ROBO2: variants seen among roughly 807,000 people sequenced by gnomAD.
ROBO2 encodes the protein roundabout guidance receptor 2.
In ROBO2, 53 loss-of-function variants were observed where a neutral mutation model predicts 160.8. That is an observed-to-expected ratio of 0.33 (90% CI 0.26 to 0.41). The LOEUF is 0.41. ROBO2 is among the 10% of genes least tolerant of loss of function. The pLI, the probability that ROBO2 is intolerant of heterozygous loss-of-function variation, is 1.00. For missense variants in ROBO2, 1,577 were observed against 1,722.4 expected (o/e 0.92, Z 1.49); for synonymous variants, 664 against 611.7 (o/e 1.09, Z -1.26).
intron 2 of ROBO2, among the ~76,000 whole-genome samples, chr3:76,846,206 T>C (rs2068759965): frequency 1.3e-5 from 2 of 152,166 alleles, no homozygotes; most frequent in Admixed American, 1.3e-4. Context: ...AGATGACATT[T>C]ATCATAAGGA....
At chr3:76,092,006 C>T (rs1412023253) in intron 2 of ROBO2, among the ~76,000 whole-genome samples, 5 of 152,048 alleles carry the variant, frequency 3.3e-5, no homozygotes, top group Admixed American at 6.6e-5. Context: ...GGTGAATATA[C>T]GACATTATAC....
At chr3:76,915,493 T>C (rs2076244879) in intron 2 of ROBO2, among the ~76,000 whole-genome samples, 1 of 151,668 alleles carries the variant, frequency 6.6e-6, no homozygotes, top group Admixed American at 6.6e-5. Flanking sequence ...AAACCCTGTC[T>C]CCATTAAAAA....
intron 2 of ROBO2, among the ~76,000 whole-genome samples, chr3:76,849,050 C>A (rs889037917): frequency 6.6e-6 from 1 of 152,114 alleles, no homozygotes; most frequent in East Asian, 1.9e-4. Context: ...CCAAGTGTCA[C>A]CCCATCTGTT....
chr3:76,729,440 T>A (rs1467824333), intron 2 of ROBO2, among the ~76,000 whole-genome samples: 1 of 152,086 alleles, frequency 6.6e-6, no homozygotes, highest in East Asian at 1.9e-4. Flanking sequence ...TGCAAACCTA[T>A]GGCAGCTGAG....
chr3:77,593,850 A>G (rs1583166146), intron 17 of ROBO2, among the ~76,000 whole-genome samples: 2 of 152,324 alleles, frequency 1.3e-5, no homozygotes, highest in Middle Eastern at 6.8e-3. Context: ...TACTTACAGT[A>G]TGAATCAACT....
rs2093382798 is a variant in ROBO2, at chr3:77,563,234, G to T, written c.1587G>T (p.Gln529His). The stretch of plus-strand genomic sequence containing the variant: ...TGCCAGGGCCACCATCCAAACCGCA[G>T]GTCACTGATGTTACTAAGAACAGTG... The change falls in exon 11 of 26, where the codon CAG (glutamine) becomes CAT (histidine). Residue 529 changes from glutamine (Q) to histidine (H), a missense_variant. Gln to His is a conservative substitution (Grantham distance 24). Around this residue, in one of 2 missense-constraint regions of ROBO2, gnomAD observed 940 missense variants for 1,135.5 expected, o/e 0.83. Transcript: ENST00000461745. 3 of 1,613,504 alleles carry T rather than the reference G, an allele frequency of 1.9e-6. No homozygotes were observed. Among genetic ancestry groups the T allele is most frequent in the Non-Finnish European group, 2.5e-6 (3 of 1,179,784 alleles).
chr3:76,779,019 A>C (rs949744813), intron 2 of ROBO2, among the ~76,000 whole-genome samples: 1 of 151,050 alleles, frequency 6.6e-6, no homozygotes, highest in Non-Finnish European at 1.5e-5. Flanking sequence ...ATTTGCAAAA[A>C]TAGGTAATCA....
At chr3:77,449,310 G>A (rs983861357) in intron 2 of ROBO2, among the ~76,000 whole-genome samples, 4 of 152,008 alleles carry the variant, frequency 2.6e-5, no homozygotes, top group African/African-American at 9.7e-5. Context: ...AGAATGAAAA[G>A]GTCTGTATTT....
chr3:77,464,140 C>G (rs761193063), intron 2 of ROBO2, among the ~76,000 whole-genome samples: 15 of 152,110 alleles, frequency 9.9e-5, no homozygotes, highest in Non-Finnish European at 1.9e-4. Flanking sequence ...GATGAAAAAG[C>G]TGAAGCTAAA....
intron 2 of ROBO2, among the ~76,000 whole-genome samples, chr3:76,438,397 T>C (rs554294909): frequency 7.1e-6 from 1 of 140,082 alleles, no homozygotes; most frequent in Admixed American, 7.0e-5. Context: ...TTTTAATTTT[T>C]AATGTAATCA....
At chr3:77,185,500 TC>T (rs2081199674) in intron 2 of ROBO2, among the ~76,000 whole-genome samples, 1 of 151,806 alleles carries the variant, frequency 6.6e-6, no homozygotes, top group South Asian at 2.1e-4. Context: ...ATGGCCATAA[TC>T]AAAAAATCAA....
chr3:76,929,983 C>T (rs973836847), intron 2 of ROBO2, among the ~76,000 whole-genome samples: 1 of 152,176 alleles, frequency 6.6e-6, no homozygotes, highest in African/African-American at 2.4e-5. Flanking sequence ...ATACATGTCA[C>T]ACTTGCTTTC....
rs114322117 is a variant in ROBO2 at position 76,802,019 on chromosome 3, T to C, written c.110-295995T>C. Among the ~76,000 whole-genome samples the C allele has an allele frequency of 3.1e-3, 478 of 152,296 alleles. 2 individuals are homozygous for C. The highest frequency in any genetic ancestry group is 0.011 in the African/African-American group (459 of 41,558). On this transcript the variant is annotated intron_variant, in intron 2 of 26. Transcript: ENST00000487694. ...CCTGTATTGATTAAGTTTACTATCT[T>C]ATGTGAGCAGGGTCCATGGCACCCA...
chr3:77,584,111 C>G (rs1167988322), intron 16 of ROBO2, among the ~76,000 whole-genome samples: 1 of 152,056 alleles, frequency 6.6e-6, no homozygotes, highest in Middle Eastern at 3.2e-3. Context: ...AGAGTATACA[C>G]AAATTTGAGA....
chr3:76,085,807 C>T (rs1278906496), intron 2 of ROBO2, among the ~76,000 whole-genome samples: 1 of 152,160 alleles, frequency 6.6e-6, no homozygotes, highest in Non-Finnish European at 1.5e-5. Context: ...GAATTAAAAA[C>T]TCCAAGAGAG....
At chr3:76,304,180 A>G (rs979453044) in intron 2 of ROBO2, among the ~76,000 whole-genome samples, 1 of 152,240 alleles carries the variant, frequency 6.6e-6, no homozygotes, top group Non-Finnish European at 1.5e-5. Flanking sequence ...ATATGTTACC[A>G]TACATTGTGC....
chr3:76,585,815 G>T (rs566898382), intron 2 of ROBO2, among the ~76,000 whole-genome samples: 2 of 152,294 alleles, frequency 1.3e-5, no homozygotes, highest in Admixed American at 1.3e-4. Context: ...TTTGTCATTA[G>T]TTGGGAAAAT....
intron 6 of ROBO2, among the ~76,000 whole-genome samples, chr3:77,541,257 G>A (rs1339585662): frequency 6.6e-6 from 1 of 152,066 alleles, no homozygotes; most frequent in South Asian, 2.1e-4. Context: ...AAACAACTCT[G>A]AACATGATGT....
At chr3:77,045,503 C>T (rs370571445) in intron 1 of ROBO2, among the ~76,000 whole-genome samples, 7 of 152,168 alleles carry the variant, frequency 4.6e-5, no homozygotes, top group African/African-American at 1.7e-4. Context: ...TTGACATACT[C>T]ACCTGACTAC....
Sources: gnomAD v4.1 joint callset for allele counts (sites outside exome capture counted in the v4.1 genomes callset) on GRCh38, gnomAD v4.1.1 for gene constraint, gnomAD v4.1.1 regional missense constraint, MANE v1.5 for transcripts, NCBI Gene and HGNC (gene_info 2026-07-23, HGNC 2026-07-21) for gene names.